ARHGEF12: variants seen among roughly 807,000 people sequenced by gnomAD.
ARHGEF12 encodes the protein KMT2A/ARHGEF12 fusion protein.
In ARHGEF12, 66 loss-of-function variants were observed where a neutral mutation model predicts 211.2. That is an observed-to-expected ratio of 0.31 (90% CI 0.26 to 0.38). The LOEUF (loss-of-function observed/expected upper bound fraction) is 0.38. Among genes scored for constraint, ARHGEF12 ranks in the 10% least tolerant of loss-of-function variants. ARHGEF12 has a pLI of 1.00. For missense variants in ARHGEF12, 1,429 were observed against 1,869.5 expected (o/e 0.76, Z 4.34); for synonymous variants, 592 against 638.4 (o/e 0.93, Z 1.09).
intron 1 of ARHGEF12, among the ~76,000 whole-genome samples, chr11:120,377,879 C>G (rs1943774266): frequency 6.6e-6 from 1 of 152,072 alleles, no homozygotes; most frequent in East Asian, 1.9e-4. Flanking sequence ...GTAAACATCT[C>G]AGAGTAGAAT....
intron 11 of ARHGEF12, among the ~76,000 whole-genome samples, chr11:120,432,947 T>C (rs1945592973): frequency 6.6e-6 from 1 of 152,156 alleles, no homozygotes. Flanking sequence ...AAGGTAGTGA[T>C]AGGAGTCTTG....
intron 11 of ARHGEF12, among the ~76,000 whole-genome samples, chr11:120,434,261 G>A (rs1945631806): frequency 2.6e-5 from 4 of 152,168 alleles, no homozygotes; most frequent in Non-Finnish European, 5.9e-5. Context: ...GCCAGAGGTT[G>A]TACCCAATGC....
At chr11:120,432,326 T>G (rs780061386) in intron 11 of ARHGEF12, among the ~76,000 whole-genome samples, 1 of 152,206 alleles carries the variant, frequency 6.6e-6, no homozygotes, top group Non-Finnish European at 1.5e-5. Context: ...AAAACCTCAG[T>G]CCTGTTAGAT....
Position 120,353,248 on chromosome 11 carries a change from C to T in ARHGEF12, c.32+15973C>T, listed in dbSNP as rs138547802. 3.7e-3 allele frequency among the ~76,000 whole-genome samples: 563 copies of T among 152,270 alleles called. 3 individuals carry two copies. Among genetic ancestry groups the T allele is most frequent in the African/African-American group, 9.5e-3 (395 of 41,548 alleles). On this transcript the variant is annotated intron_variant, in intron 1 of 40. Coordinates refer to ENST00000397843, the MANE Select transcript of ARHGEF12 (RefSeq NM_015313.3). Reference sequence around the variant, plus strand: ...TGAGGTCTGTCTCAGAACCTTCATGCGAAACTCAGAATCTTGGGAAGTCCC... The same window carrying T: ...TGAGGTCTGTCTCAGAACCTTCATGTGAAACTCAGAATCTTGGGAAGTCCC...
chr11:120,402,996 A>G (rs915911838), intron 1 of ARHGEF12, among the ~76,000 whole-genome samples: 2 of 152,222 alleles, frequency 1.3e-5, no homozygotes, highest in Non-Finnish European at 2.9e-5. Flanking sequence ...TTACTCTAGT[A>G]TACATTATTT....
chr11:120,338,942 C>T (rs1007513221), intron 1 of ARHGEF12, among the ~76,000 whole-genome samples: 2 of 151,092 alleles, frequency 1.3e-5, no homozygotes, highest in Non-Finnish European at 2.9e-5. Context: ...CTCTTTATAA[C>T]GTAGATGGCA....
At chr11:120,382,997 G>C (rs1251433197) in intron 1 of ARHGEF12, among the ~76,000 whole-genome samples, 1 of 152,166 alleles carries the variant, frequency 6.6e-6, no homozygotes, top group African/African-American at 2.4e-5. Context: ...AAATTAGCCA[G>C]GCGTGGTGGC....
intron 2 of ARHGEF12, 133 bp from the exon 3 acceptor site, chr11:120,407,605 A>AAAAAAAT (rs1565458830): frequency 1.8e-5 from 10 of 566,574 alleles, no homozygotes. Context: ...AATGTAAATT[A>AAAAAAAT]GAGAGGCTTA....
At position 120,391,906 on chromosome 11, in the gene ARHGEF12, G is replaced by A. The variant is rs543960868; in HGVS notation, c.33-14212G>A. Among the ~76,000 whole-genome samples the A allele has an allele frequency of 3.3e-5, 5 of 152,252 alleles. No homozygotes were observed. The South Asian group carries it at 1.0e-3, about 32-fold the overall frequency. On this transcript the variant is annotated intron_variant, in intron 1 of 40. Coordinates refer to ENST00000397843, the MANE Select transcript of ARHGEF12 (RefSeq NM_015313.3). Reference sequence around the variant, plus strand: ...TTTATGCAGTGTTTTCCACATATTAGATGCTGCATAAGTATTTGATGTTTG... The same window carrying A: ...TTTATGCAGTGTTTTCCACATATTAAATGCTGCATAAGTATTTGATGTTTG...
chr11:120,377,711 T>A (rs1030398520), intron 1 of ARHGEF12, among the ~76,000 whole-genome samples: 5 of 152,210 alleles, frequency 3.3e-5, no homozygotes, highest in African/African-American at 1.2e-4. Flanking sequence ...TGTTCCTTTT[T>A]CTTACCATAA....
At chr11:120,468,108 A>G (rs760253799) in intron 29 of ARHGEF12, among the ~76,000 whole-genome samples, 15 of 152,212 alleles carry the variant, frequency 9.9e-5, no homozygotes, top group Admixed American at 2.6e-4. Flanking sequence ...AGCCAAATCA[A>G]TGCGGTGTAA....
In ARHGEF12 at chr11:120,424,426, G is replaced by A; in HGVS notation, c.406+11G>A. 6.2e-7 allele frequency: 1 copy of A among 1,611,196 alleles called. No individual in the cohort carries two copies. Among genetic ancestry groups the A allele is most frequent in the Middle Eastern group, 1.7e-4 (1 of 6,036 alleles). ...TGAAGCTAATCAAATGTAGGTGAATGTTATTCTTAGTTTTAATTGTTTTCT... is the reference window on the plus strand; with the variant it reads ...TGAAGCTAATCAAATGTAGGTGAATATTATTCTTAGTTTTAATTGTTTTCT... On this transcript the variant is annotated intron_variant, in intron 7 of 40. Transcript: ENST00000397843.
At chr11:120,353,909 T>C (rs1052403498) in intron 1 of ARHGEF12, among the ~76,000 whole-genome samples, 7 of 152,166 alleles carry the variant, frequency 4.6e-5, no homozygotes, top group East Asian at 1.9e-4. Flanking sequence ...GAAAAGCCCA[T>C]TGGGAATGTC....
At chr11:120,357,524 G>A (rs1416505973) in intron 1 of ARHGEF12, among the ~76,000 whole-genome samples, 1 of 152,158 alleles carries the variant, frequency 6.6e-6, no homozygotes, top group Non-Finnish European at 1.5e-5. Context: ...AATGTGGGAT[G>A]TAGTTACTGG....
intron 4 of ARHGEF12, chr11:120,410,854 TG>T (rs1171647182): frequency 6.6e-6 from 1 of 152,236 alleles, no homozygotes; most frequent in African/African-American, 2.4e-5. Context: ...ACTATATTTC[TG>T]TTCTATATAA....
At chr11:120,477,882 AG>A (rs1260334466) in intron 36 of ARHGEF12, among the ~76,000 whole-genome samples, 3 of 148,996 alleles carry the variant, frequency 2.0e-5, no homozygotes, top group Admixed American at 6.6e-5. Context: ...AAAGAAAAAA[AG>A]AAAAAAAAGA....
At chr11:120,362,725 A>G (rs2135370211) in intron 1 of ARHGEF12, among the ~76,000 whole-genome samples, 1 of 152,334 alleles carries the variant, frequency 6.6e-6, no homozygotes, top group South Asian at 2.1e-4. Flanking sequence ...ACTCTAAGGA[A>G]ACAGGAAATA....
At chr11:120,475,079 C>T (rs1185434600) in intron 32 of ARHGEF12, among the ~76,000 whole-genome samples, 7 of 152,134 alleles carry the variant, frequency 4.6e-5, no homozygotes, top group Admixed American at 2.6e-4. Flanking sequence ...CCTTAGCCTC[C>T]CTAGTAGCCG....
At chr11:120,420,198 C>G (rs953046228) in intron 4 of ARHGEF12, among the ~76,000 whole-genome samples, 2 of 152,152 alleles carry the variant, frequency 1.3e-5, no homozygotes, top group Non-Finnish European at 2.9e-5. Context: ...CTGAACTCTT[C>G]CTTTCTCTTC....
Sources: allele counts gnomAD v4.1 joint callset (sites outside exome capture counted in the v4.1 genomes callset), GRCh38; gene constraint gnomAD v4.1.1; transcripts MANE v1.5; gene names NCBI Gene and HGNC (gene_info 2026-07-23, HGNC 2026-07-21).